The following BIK variants were observed in gnomAD, a reference collection of about 807,000 sequenced individuals.
BIK encodes the protein BCL2 interacting killer.
In BIK, 14 loss-of-function variants were observed where a neutral mutation model predicts 12.1. The observed-to-expected ratio is 1.16, with a 90% CI of 0.77 to 1.81. The LOEUF is 1.81. BIK is among the 40% of genes most tolerant of loss of function. BIK has a pLI of 0.00. For missense variants in BIK, 215 were observed against 207.9 expected, an observed-to-expected ratio of 1.03 and a Z score of -0.21; for synonymous variants, 86 against 92.3, an observed-to-expected ratio of 0.93 and a Z score of 0.39.
chr22:43,114,232 A>G (rs1039688878), intron 1 of BIK, among the ~76,000 whole-genome samples: 1 of 152,154 alleles, frequency 6.6e-6, no homozygotes, highest in Non-Finnish European at 1.5e-5. Context: ...GCCATGCAGC[A>G]AAGAGAGAAA....
chr22:43,126,535 G>A (rs1930320204), intron 2 of BIK, among the ~76,000 whole-genome samples: 1 of 152,136 alleles, frequency 6.6e-6, no homozygotes, highest in African/African-American at 2.4e-5. Flanking sequence ...GAACGTGAAG[G>A]CCCAGGAGCA....
At chr22:43,112,430 C>T (rs1312141450) in intron 1 of BIK, among the ~76,000 whole-genome samples, 1 of 151,866 alleles carries the variant, frequency 6.6e-6, no homozygotes, top group East Asian at 1.9e-4. Context: ...AACTCCTGAC[C>T]TCAGGCGATC....
intron 1 of BIK, among the ~76,000 whole-genome samples, chr22:43,118,252 GGCA>G (rs1462504632): frequency 6.6e-6 from 1 of 152,160 alleles, no homozygotes; most frequent in Non-Finnish European, 1.5e-5. Flanking sequence ...CCTCCAGAAA[GGCA>G]GCAACATGTT....
chr22:43,113,087 C>T (rs1569463632), intron 1 of BIK, among the ~76,000 whole-genome samples: 1 of 152,076 alleles, frequency 6.6e-6, no homozygotes, highest in Non-Finnish European at 1.5e-5. Context: ...GTCTGTAATC[C>T]CAGCTACTTG....
rs1930399444 is a variant in BIK, at chr22:43,129,560, G to A, written c.*255G>A. ...ACCGGTTAACTGTGGCCTGTGCCCAGGAAGAGCCATTCACTCCTGCCCCTG... is the reference window on the plus strand; with the variant it reads ...ACCGGTTAACTGTGGCCTGTGCCCAAGAAGAGCCATTCACTCCTGCCCCTG... On this transcript the variant is annotated 3_prime_UTR_variant, in exon 5 of 5. Coordinates refer to ENST00000216115, the MANE Select transcript of BIK (RefSeq NM_001197.5). 1 of 607,054 alleles carries A rather than the reference G, an allele frequency of 1.6e-6. No homozygotes were observed. Among genetic ancestry groups the A allele is most frequent in the African/African-American group, 1.9e-5 (1 of 52,562 alleles). 37.6% of individuals were successfully genotyped at this position (607,054 alleles called of 1,614,324 possible). A position where few individuals can be genotyped will look rare whatever the true frequency, so the allele number is the denominator to read the frequency against.
chr22:43,125,102 G>C (rs1265053251), intron 2 of BIK, among the ~76,000 whole-genome samples: 1 of 152,168 alleles, frequency 6.6e-6, no homozygotes, highest in Non-Finnish European at 1.5e-5. Flanking sequence ...TTTGTAAACT[G>C]TCGTGGCACT....
intron 2 of BIK, 151 bp downstream of exon 2, chr22:43,124,334 C>A: frequency 1.0e-6 from 1 of 979,692 alleles, no homozygotes; most frequent in Non-Finnish European, 1.5e-6. Context: ...GGCATGGAGG[C>A]TTCTGCCCTG....
At chr22:43,112,435 G>C (rs1296976033) in intron 1 of BIK, among the ~76,000 whole-genome samples, 1 of 151,770 alleles carries the variant, frequency 6.6e-6, no homozygotes, top group Non-Finnish European at 1.5e-5. Flanking sequence ...CTGACCTCAG[G>C]CGATCCACCC....
chr22:43,127,078 T>TGGG (rs1328345945), intron 2 of BIK, among the ~76,000 whole-genome samples: 1 of 151,550 alleles, frequency 6.6e-6, no homozygotes, highest in East Asian at 1.9e-4. Flanking sequence ...GCTGGGAGGG[T>TGGG]GGGGAGTGTC....
chr22:43,113,003 G>T (rs1007385556), intron 1 of BIK, among the ~76,000 whole-genome samples: 20 of 152,252 alleles, frequency 1.3e-4, no homozygotes, highest in African/African-American at 4.8e-4. Flanking sequence ...CAGGAGTTGT[G>T]AGACGAGCCT....
intron 4 of BIK, 116 bp from the exon 5 acceptor site, chr22:43,129,071 TGAACTCCTTCCTTCTCTGGTCCCCTC>T (rs1324458198): frequency 6.8e-6 from 10 of 1,464,698 alleles, no homozygotes; most frequent in African/African-American, 4.1e-5. Flanking sequence ...CCCCCTCTCC[TGAACTCCTTCCTTCTCTGGTCCCCTC>T]GAGCTCCTTC....
intron 1 of BIK, among the ~76,000 whole-genome samples, chr22:43,115,560 T>G (rs1455712939): frequency 6.6e-6 from 1 of 152,134 alleles, no homozygotes; most frequent in East Asian, 1.9e-4. Context: ...CCTCCTGGGT[T>G]CAAGTGATTC....
At chr22:43,126,082 T>C (rs1930309040) in intron 2 of BIK, among the ~76,000 whole-genome samples, 1 of 150,800 alleles carries the variant, frequency 6.6e-6, no homozygotes, top group Non-Finnish European at 1.5e-5. Context: ...TGGAGTGCAG[T>C]GGCATGATCT....
intron 1 of BIK, among the ~76,000 whole-genome samples, chr22:43,115,811 C>T (rs9623757): frequency 0.16 from 24,944 of 151,730 alleles, 2,349 homozygotes; most frequent in African/African-American, 0.26. Flanking sequence ...GGTTAGAGTG[C>T]GGTGGCACGA....
rs746935217 is a variant in BIK at position 43,129,238 on chromosome 22, C to CGCTGCT, written c.427_432dup (p.Leu143_Leu144dup). The CGCTGCT allele has an allele frequency of 8.2e-6, 13 of 1,585,910 alleles. No homozygotes were observed. Among genetic ancestry groups the CGCTGCT allele is most frequent in the East Asian group, 2.2e-5 (1 of 44,676 alleles). On this transcript the variant is annotated inframe_insertion, in exon 5 of 5. Transcript: ENST00000216115. ...GTGTCCTGCGAACAGGTGCTGCTGGCGCTGCTGCTGCTGCTGGCGCTGCTG... is the reference window on the plus strand; with the variant it reads ...GTGTCCTGCGAACAGGTGCTGCTGGCGCTGCTGCTGCTGCTGCTGCTGGCGCTGCTG...
rs1569468243 is a variant in BIK, at chr22:43,128,423, G to A, written c.261-73G>A. On this transcript the variant is annotated intron_variant, in intron 3 of 4. Transcript: ENST00000216115. ...CCCTGCTCCCCACAGCTGTGATGGT[G>A]TCATCTAAGTACAGGCTGCCCCTAC... The A allele has an allele frequency of 2.6e-6, 4 of 1,547,110 alleles. No individual in the cohort carries two copies. In the East Asian group the frequency reaches 6.7e-5, roughly 26 times the overall value.
intron 1 of BIK, among the ~76,000 whole-genome samples, chr22:43,117,790 C>G (rs956399450): frequency 6.6e-6 from 1 of 151,954 alleles, no homozygotes; most frequent in Non-Finnish European, 1.5e-5. Flanking sequence ...CCTGCCTCAG[C>G]CACCCGAGTA....
intron 1 of BIK, among the ~76,000 whole-genome samples, chr22:43,115,503 C>T (rs182890398): frequency 2.8e-4 from 43 of 152,228 alleles, no homozygotes; most frequent in African/African-American, 7.0e-4. Flanking sequence ...ACTCCTGTCG[C>T]GGGGGCTGGA....
rs759771070 is a variant in BIK, at chr22:43,127,695, A to G, written c.162-2A>G. ...CCCGACTCCTGTGTGTGCTCCCTGC[A>G]GTGACGCATTGGCCCTGCGGCTGGC... On this transcript the variant is annotated splice_acceptor_variant, in intron 2 of 4. Coordinates refer to ENST00000216115, the MANE Select transcript of BIK (RefSeq NM_001197.5). LOFTEE classifies it high-confidence loss of function. 35 of 1,552,674 alleles carry G rather than the reference A, an allele frequency of 2.3e-5. No homozygotes were observed. The highest frequency in any genetic ancestry group is 2.9e-5 in the Non-Finnish European group (33 of 1,148,388).
Sources: allele counts gnomAD v4.1 joint callset (sites outside exome capture counted in the v4.1 genomes callset), GRCh38; gene constraint gnomAD v4.1.1; transcripts MANE v1.5; gene names NCBI Gene and HGNC (gene_info 2026-07-23, HGNC 2026-07-21).